SLC25A36: variants seen among roughly 807,000 people sequenced by gnomAD.
SLC25A36 encodes the protein epididymis secretory sperm binding protein.
In SLC25A36, 24 loss-of-function variants were observed where a neutral mutation model predicts 35.3. The observed-to-expected ratio is 0.68, with a 90% confidence interval of 0.49 to 0.96. SLC25A36 has a LOEUF of 0.96. SLC25A36 is among the 40% of genes least tolerant of loss of function. The pLI, the probability that SLC25A36 is intolerant of heterozygous loss-of-function variation, is 0.00. For synonymous variants in SLC25A36, 141 were observed against 132.2 expected (o/e 1.07, Z -0.46); for missense variants, 294 against 381.1 (o/e 0.77, Z 1.90).
At position 140,976,669 on chromosome 3, in the gene SLC25A36, A is replaced by T. The variant is rs1045995615; in HGVS notation, c.*216A>T. ...AAAAAAACCTCAGAGCCTCCAAGGA[A>T]ATGCCTTTAGAAGCACTCCTCTCTC... On this transcript the variant is annotated 3_prime_UTR_variant, in exon 7 of 7. Coordinates refer to ENST00000324194, the MANE Select transcript of SLC25A36 (RefSeq NM_001104647.3). The T allele has an allele frequency of 2.7e-6, 1 of 367,934 alleles. No homozygotes were observed. Among genetic ancestry groups the T allele is most frequent in the Non-Finnish European group, 4.8e-6 (1 of 206,678 alleles). The allele number at this position is 367,934 out of a possible 1,614,324, so 22.8% of individuals were successfully genotyped here. A position where few individuals can be genotyped will look rare whatever the true frequency, so the allele number is the denominator to read the frequency against.
chr3:140,976,214 G>C (rs112373011), intron 6 of SLC25A36, 46 bp from the exon 7 acceptor site: 1 of 1,251,140 alleles, frequency 8.0e-7, no homozygotes, highest in Admixed American at 2.0e-5. Flanking sequence ...AATTAGAAGA[G>C]TGTAAAGATA....
At chr3:140,946,129 T>A (rs1418383659) in intron 1 of SLC25A36, among the ~76,000 whole-genome samples, 1 of 152,178 alleles carries the variant, frequency 6.6e-6, no homozygotes, top group Non-Finnish European at 1.5e-5. Context: ...GACAAGGGAC[T>A]GTCTTGTCTA....
At chr3:140,953,213 T>G (rs994514929) in intron 1 of SLC25A36, among the ~76,000 whole-genome samples, 2 of 152,222 alleles carry the variant, frequency 1.3e-5, no homozygotes, top group East Asian at 1.9e-4. Flanking sequence ...ATTCCTCTTG[T>G]GGCCTCATAT....
intron 1 of SLC25A36, among the ~76,000 whole-genome samples, chr3:140,954,263 T>C (rs542303868): frequency 1.3e-5 from 2 of 152,256 alleles, no homozygotes; most frequent in Non-Finnish European, 2.9e-5. Flanking sequence ...TTCTATTATA[T>C]AGTTGTACCA....
intron 5 of SLC25A36, chr3:140,972,631 AAAAG>A (rs922196929): frequency 3.3e-5 from 5 of 152,184 alleles, no homozygotes; most frequent in Non-Finnish European, 7.4e-5. Flanking sequence ...AAAAAAAAGA[AAAAG>A]AAAAAAATTA....
intron 1 of SLC25A36, among the ~76,000 whole-genome samples, chr3:140,943,454 GTTTGCTTT>G (rs1322946983): frequency 6.6e-6 from 1 of 152,220 alleles, no homozygotes; most frequent in African/African-American, 2.4e-5. Context: ...AGTTTAGGCA[GTTTGCTTT>G]CCATATTTCT....
At position 140,972,248 on chromosome 3, in the gene SLC25A36, A is replaced by G. The variant is rs138958470; in HGVS notation, c.452+1255A>G. ...GGAAAAGCATGACTTAAAACTCTTTAATATTATTTTTTTCCACTTATAATT... is the reference window on the plus strand; with the variant it reads ...GGAAAAGCATGACTTAAAACTCTTTGATATTATTTTTTTCCACTTATAATT... On this transcript the variant is annotated intron_variant, in intron 5 of 6. Transcript: ENST00000324194. 1.7e-3 allele frequency among the ~76,000 whole-genome samples: 254 copies of G among 152,342 alleles called. 3 individuals carry two copies. The East Asian group carries it at 0.019, about 12-fold the overall frequency.
At chr3:140,966,396 G>T (rs1196251297) in intron 4 of SLC25A36, 2 of 309,300 alleles carry the variant, frequency 6.5e-6, no homozygotes, top group Non-Finnish European at 1.3e-5. Flanking sequence ...CATAAGTATG[G>T]ATGTGCAATA....
Position 140,956,524 on chromosome 3 carries a change from T to A in SLC25A36, c.42-3T>A, listed in dbSNP as rs1165104938. On this transcript the variant is annotated splice_region_variant and splice_polypyrimidine_tract_variant and intron_variant, in intron 1 of 6. Coordinates refer to ENST00000324194, the MANE Select transcript of SLC25A36 (RefSeq NM_001104647.3). ...CTGTGTTCTTTTTTTTTTTTTTTTT[T>A]AGATGTGGTGGTACAGTGGGAGCTA... 9.8e-6 allele frequency: 15 copies of A among 1,538,172 alleles called. No individual in the cohort carries two copies. Among genetic ancestry groups the A allele is most frequent in the East Asian group, 9.1e-5 (4 of 44,030 alleles).
intron 2 of SLC25A36, 105 bp downstream of exon 2, chr3:140,956,796 C>T (rs573738018): frequency 1.4e-6 from 2 of 1,433,006 alleles, no homozygotes; most frequent in Non-Finnish European, 1.8e-6. Context: ...TTTTTATAAA[C>T]CTATTTACAG....
At chr3:140,956,746 A>C (rs1274796149) in intron 2 of SLC25A36, 55 bp downstream of exon 2, 1 of 1,493,494 alleles carries the variant, frequency 6.7e-7, no homozygotes, top group East Asian at 2.3e-5. Context: ...AGTGAGTTCC[A>C]GATGTTTGTT....
chr3:140,943,737 A>T (rs1934086038), intron 1 of SLC25A36, among the ~76,000 whole-genome samples: 1 of 152,146 alleles, frequency 6.6e-6, no homozygotes, highest in African/African-American at 2.4e-5. Context: ...AGCTCCTAAC[A>T]TTTCTATTAT....
chr3:140,963,259 A>G (rs767742538), intron 4 of SLC25A36, 32 bp downstream of exon 4: 59 of 1,308,588 alleles, frequency 4.5e-5, no homozygotes, highest in Non-Finnish European at 6.0e-5. Context: ...AAAAAAAAAA[A>G]CTTTCTGAAA....
Position 140,952,798 on chromosome 3 carries a change from TTTTG to T in SLC25A36, c.42-3721_42-3718del, listed in dbSNP as rs773472994. On this transcript the variant is annotated intron_variant, in intron 1 of 6. Transcript: ENST00000324194. ...CATGGCTTTATGTGCTCATGTTGCT[TTTTG>T]TTTGTTTTCGTTTTAATTATAGAAG... is the stretch of plus-strand genomic sequence containing the variant. Among the ~76,000 whole-genome samples the T allele has an allele frequency of 3.7e-4, 56 of 152,214 alleles. 3 individuals carry two copies. The highest frequency in any genetic ancestry group is 1.3e-4 in the Non-Finnish European group (9 of 68,024).
At chr3:140,963,024 A>G (rs1220950393) in intron 3 of SLC25A36, 103 bp from the exon 4 acceptor site, 10 of 662,076 alleles carry the variant, frequency 1.5e-5, no homozygotes, top group Non-Finnish European at 2.4e-5. Flanking sequence ...CTAGGACTTT[A>G]TGGTTTTTAA....
At chr3:140,975,020 G>A (rs116650597) in intron 6 of SLC25A36, among the ~76,000 whole-genome samples, 82 of 146,244 alleles carry the variant, frequency 5.6e-4, no homozygotes, top group African/African-American at 1.8e-3. Context: ...CAGAGTTTTG[G>A]GGTTTAAACA....
At chr3:140,962,872 G>T (rs539005877) in intron 3 of SLC25A36, among the ~76,000 whole-genome samples, 27 of 151,698 alleles carry the variant, frequency 1.8e-4, no homozygotes, top group African/African-American at 6.0e-4. Context: ...TTAAGTGGCT[G>T]TCAGAGTATT....
chr3:140,968,177 A>G (rs1934810959), intron 4 of SLC25A36: 1 of 937,490 alleles, frequency 1.1e-6, no homozygotes, highest in Non-Finnish European at 1.3e-6. Flanking sequence ...TATTAGATGT[A>G]ATTAGCCTAG....
intron 4 of SLC25A36, chr3:140,968,473 G>A (rs1934819071): frequency 1.0e-6 from 1 of 983,486 alleles, no homozygotes; most frequent in Non-Finnish European, 1.2e-6. Context: ...AAATTTTAAT[G>A]TGTCCTGTTA....
Sources: allele counts gnomAD v4.1 joint callset (sites outside exome capture counted in the v4.1 genomes callset), GRCh38; gene constraint gnomAD v4.1.1; transcripts MANE v1.5; gene names NCBI Gene and HGNC (gene_info 2026-07-23, HGNC 2026-07-21).